Variants in FRMD5 observed in about 807,000 individuals in gnomAD.
FRMD5 encodes FERM domain-containing protein 5.
FRMD5 carries 20 observed loss-of-function variants against 69.0 expected under a neutral mutation model. The observed-to-expected ratio is 0.29, with a 90% CI of 0.20 to 0.42. The LOEUF (loss-of-function observed/expected upper bound fraction) is 0.42. Among genes scored for constraint, FRMD5 ranks in the 10% least tolerant of loss-of-function variants. The probability of loss-of-function intolerance (pLI) is 1.00; values close to 1 mark genes in which losing one functional copy is unlikely to be tolerated. For synonymous variants in FRMD5, 271 were observed against 260.1 expected (o/e 1.04, Z -0.40); for missense variants, 595 against 708.6 (o/e 0.84, Z 1.82).
At chr15:44,016,454 G>T (rs1369153365) in intron 1 of FRMD5, among the ~76,000 whole-genome samples, 1 of 152,140 alleles carries the variant, frequency 6.6e-6, no homozygotes, top group Non-Finnish European at 1.5e-5. Context: ...TGGGCGCAGT[G>T]GTTCACAACT....
intron 1 of FRMD5, among the ~76,000 whole-genome samples, chr15:44,140,923 T>TA (rs1488217634): frequency 6.9e-6 from 1 of 144,912 alleles, no homozygotes; most frequent in Non-Finnish European, 1.5e-5. Context: ...AATTTACAAT[T>TA]AAAATAAAGA....
chr15:44,145,193 C>A (rs2077338438), intron 1 of FRMD5, among the ~76,000 whole-genome samples: 1 of 152,124 alleles, frequency 6.6e-6, no homozygotes, highest in Non-Finnish European at 1.5e-5. Flanking sequence ...TCCCAGTGCT[C>A]CAGGCCATCA....
At chr15:43,980,256 T>A (rs1030269956) in intron 1 of FRMD5, among the ~76,000 whole-genome samples, 9 of 152,194 alleles carry the variant, frequency 5.9e-5, no homozygotes, top group Non-Finnish European at 1.0e-4. Context: ...AGGTAGAACC[T>A]CAACTATGCC....
At chr15:44,114,865 C>T (rs575892303) in intron 1 of FRMD5, among the ~76,000 whole-genome samples, 5 of 151,974 alleles carry the variant, frequency 3.3e-5, no homozygotes, top group African/African-American at 7.3e-5. Flanking sequence ...TAAAGAATGA[C>T]GAAGACTGTG....
chr15:44,019,762 GGAAAA>G (rs1210944338), intron 1 of FRMD5, among the ~76,000 whole-genome samples: 11 of 121,970 alleles, frequency 9.0e-5, no homozygotes, highest in East Asian at 2.4e-4. Flanking sequence ...AAAAAAAAAA[GGAAAA>G]GAAAAGAAAA....
intron 1 of FRMD5, among the ~76,000 whole-genome samples, chr15:43,925,066 G>A (rs1254352171): frequency 4.8e-5 from 7 of 146,374 alleles, no homozygotes; most frequent in African/African-American, 1.0e-4. Flanking sequence ...GTGCAATAGC[G>A]CAGTCTTGGC....
intron 2 of FRMD5, 40 bp downstream of exon 2, chr15:43,924,165 C>T (rs769478334): frequency 9.7e-6 from 14 of 1,448,410 alleles, no homozygotes; most frequent in Non-Finnish European, 1.4e-5. Context: ...GTCTTATTGA[C>T]TAGCCCTGTC....
chr15:44,017,372 C>G (rs1031524692), intron 1 of FRMD5, among the ~76,000 whole-genome samples: 1 of 151,658 alleles, frequency 6.6e-6, no homozygotes, highest in African/African-American at 2.4e-5. Context: ...TACCATGGCA[C>G]CCGACCTCTG....
intron 1 of FRMD5, among the ~76,000 whole-genome samples, chr15:44,091,825 AG>A (rs1372914241): frequency 6.6e-6 from 1 of 152,016 alleles, no homozygotes; most frequent in African/African-American, 2.4e-5. Flanking sequence ...CTTTTTCTCT[AG>A]AATTGTGTGC....
intron 1 of FRMD5, among the ~76,000 whole-genome samples, chr15:44,106,991 C>T (rs1455462139): frequency 6.6e-6 from 1 of 152,058 alleles, no homozygotes; most frequent in East Asian, 1.9e-4. Context: ...AAATATGCAT[C>T]AATTCAAGAA....
intron 1 of FRMD5, among the ~76,000 whole-genome samples, chr15:44,156,238 G>T (rs559289260): frequency 6.6e-6 from 1 of 152,114 alleles, no homozygotes; most frequent in Admixed American, 6.5e-5. Flanking sequence ...CTGCTTCCCA[G>T]GTTCAGGTGA....
In FRMD5 at chr15:44,050,715, T is replaced by G. The variant is rs547628724; in HGVS notation, c.103-126406A>C. Among the ~76,000 whole-genome samples, 8 of 150,590 alleles carry G rather than the reference T, an allele frequency of 5.3e-5. No homozygotes were observed. The South Asian group carries it at 1.5e-3, about 28-fold the overall frequency. Reference sequence around the variant, plus strand: ...CTCTGTCGCCCAGGCTGGAGTGCAGTGGGATAATCTCAGCTCACTGCAACC... The same window carrying G: ...CTCTGTCGCCCAGGCTGGAGTGCAGGGGGATAATCTCAGCTCACTGCAACC... On this transcript the variant is annotated intron_variant, in intron 1 of 13. Transcript: ENST00000417257.
At chr15:43,945,174 C>A (rs771184231) in intron 1 of FRMD5, among the ~76,000 whole-genome samples, 4 of 152,158 alleles carry the variant, frequency 2.6e-5, no homozygotes, top group Non-Finnish European at 5.9e-5. Flanking sequence ...ACTGCCATTT[C>A]CTTCTTCCAA....
At chr15:43,990,325 G>A (rs1273244283) in intron 1 of FRMD5, 1 of 254,068 alleles carries the variant, frequency 3.9e-6, no homozygotes, top group African/African-American at 2.2e-5. Context: ...TTGCTTTTTT[G>A]TGATATTTGC....
intron 1 of FRMD5, among the ~76,000 whole-genome samples, chr15:44,079,268 G>A (rs1893898548): frequency 1.3e-5 from 2 of 151,972 alleles, no homozygotes; most frequent in African/African-American, 4.8e-5. Flanking sequence ...CCCAAAACAA[G>A]GTAACAAATG....
chr15:43,995,927 A>C (rs1216962357), intron 1 of FRMD5, among the ~76,000 whole-genome samples: 1 of 151,968 alleles, frequency 6.6e-6, no homozygotes, highest in Non-Finnish European at 1.5e-5. Context: ...TGGACCCTGG[A>C]TCTGCTAGAA....
intron 12 of FRMD5, 109 bp from the exon 13 acceptor site, chr15:43,883,918 GTC>G (rs560457710): frequency 1.0e-5 from 8 of 779,110 alleles, no homozygotes; most frequent in South Asian, 4.3e-5. Flanking sequence ...TTAAGTCTTG[GTC>G]TCTCTCTTTT....
chr15:43,873,705 G>A lies in FRMD5; in HGVS notation c.*180C>T, dbSNP rs1438674007. The stretch of plus-strand genomic sequence containing the variant: ...TGAGTTTTCCCAGTTTGTTTAGACA[G>A]GGCATGAGCCTATCCCTTTCTTCTT... On this transcript the variant is annotated 3_prime_UTR_variant, in exon 14 of 14. Coordinates refer to ENST00000417257, the MANE Select transcript of FRMD5 (RefSeq NM_032892.5). The A allele has an allele frequency of 1.3e-6, 2 of 1,516,798 alleles. No homozygotes were observed. The highest frequency in any genetic ancestry group is 1.3e-5 in the South Asian group (1 of 79,546). The allele number at this position is 1,516,798 out of a possible 1,614,324, so 94.0% of individuals were successfully genotyped here. A position where few individuals can be genotyped will look rare whatever the true frequency, so the allele number is the denominator to read the frequency against.
chr15:43,924,245 T>C lies in FRMD5; in HGVS notation c.167A>G (p.Asp56Gly), dbSNP rs754074986. 6.2e-7 allele frequency: 1 copy of C among 1,614,166 alleles called. No individual in the cohort carries two copies. The highest frequency in any genetic ancestry group is 1.7e-5 in the Admixed American group (1 of 60,024). ...LCHHLNLLEKDYFGIRFVDPD... is the reference protein window; with the variant it reads ...LCHHLNLLEKGYFGIRFVDPD... ...GTCTACAAAGCGGATACCAAAATAG[T>C]CTTTCTCAAGTAGGTTCAGATGGTG... Residue 56 changes from aspartate (D) to glycine (G), a missense_variant, in exon 2 of 14, where the codon GAC becomes GGC. Asp to Gly is a moderately conservative substitution (Grantham distance 94, BLOSUM62 -1). Around this residue, in one of 5 missense-constraint regions of FRMD5, gnomAD observed 79 missense variants for 139.9 expected, o/e 0.56. Coordinates refer to ENST00000417257, the MANE Select transcript of FRMD5 (RefSeq NM_032892.5).
Sources: gnomAD v4.1 joint callset for allele counts (sites outside exome capture counted in the v4.1 genomes callset) on GRCh38, gnomAD v4.1.1 for gene constraint, gnomAD v4.1.1 regional missense constraint, MANE v1.5 for transcripts, NCBI Gene and HGNC (gene_info 2026-07-23, HGNC 2026-07-21) for gene names.